The following GRM7 variants were observed in gnomAD, a reference collection of about 807,000 sequenced individuals.
GRM7 encodes metabotropic glutamate receptor 7.
Under a neutral mutation model 84.5 loss-of-function variants are expected in GRM7, and 35 were observed. The ratio of observed to expected loss-of-function variants is 0.41; its 90% CI spans 0.32 to 0.55. The LOEUF (loss-of-function observed/expected upper bound fraction) is 0.55. Ranked by LOEUF, GRM7 falls within the 20% of genes least tolerant of loss-of-function variation. The probability of loss-of-function intolerance (pLI) is 0.19; values close to 1 mark genes in which losing one functional copy is unlikely to be tolerated. For synonymous variants in GRM7, 487 were observed against 455.1 expected, an observed-to-expected ratio of 1.07 and a Z score of -0.89; for missense variants, 1,003 against 1,194.6, an observed-to-expected ratio of 0.84 and a Z score of 2.36.
intron 9 of GRM7, among the ~76,000 whole-genome samples, chr3:7,697,355 G>T (rs2125155662): frequency 6.6e-6 from 1 of 152,110 alleles, no homozygotes; most frequent in Non-Finnish European, 1.5e-5. Context: ...ACTGAGGTAG[G>T]TGTCATTATC....
chr3:7,646,267 C>T (rs911744473), intron 8 of GRM7, among the ~76,000 whole-genome samples: 1 of 152,192 alleles, frequency 6.6e-6, no homozygotes, highest in Non-Finnish European at 1.5e-5. Context: ...TCTCGGCTCA[C>T]TGCAGCCTCT....
At chr3:7,501,833 C>T (rs1416428921) in intron 7 of GRM7, among the ~76,000 whole-genome samples, 1 of 152,140 alleles carries the variant, frequency 6.6e-6, no homozygotes, top group East Asian at 1.9e-4. Context: ...CAATTGGAAA[C>T]AGTTTGGAAC....
At chr3:7,407,719 G>A (rs1191691655) in intron 4 of GRM7, among the ~76,000 whole-genome samples, 5 of 152,210 alleles carry the variant, frequency 3.3e-5, no homozygotes, top group African/African-American at 4.8e-5. Flanking sequence ...CAAAACAAAA[G>A]TGGCAGAAAT....
intron 4 of GRM7, among the ~76,000 whole-genome samples, chr3:7,395,479 TATA>T (rs1338387076): frequency 1.3e-5 from 2 of 152,232 alleles, no homozygotes; most frequent in African/African-American, 4.8e-5. Flanking sequence ...TCTATTGTTA[TATA>T]ATAATATGGT....
Position 7,532,734 on chromosome 3 carries a change from T to C in GRM7, c.1516-45688T>C, listed in dbSNP as rs958524184. Among the ~76,000 whole-genome samples the C allele has an allele frequency of 1.3e-4, 19 of 147,182 alleles. 2 individuals are homozygous for C. The highest frequency in any genetic ancestry group is 5.5e-4 in the Admixed American group (8 of 14,520). ...TGTTAGGGTGTCAATTTTAGATCTT[T>C]CCTGATTTCTCCTGTGGGCATTTAG... is the stretch of plus-strand genomic sequence containing the variant. On this transcript the variant is annotated intron_variant, in intron 7 of 9. Transcript: ENST00000357716.
intron 1 of GRM7, among the ~76,000 whole-genome samples, chr3:6,935,981 T>A (rs1440230827): frequency 3.3e-5 from 5 of 152,166 alleles, no homozygotes; most frequent in Non-Finnish European, 5.9e-5. Flanking sequence ...ATTGCTGGGA[T>A]TCCAGGTGTG....
chr3:7,560,380 C>T (rs970779867), intron 7 of GRM7: 9 of 152,060 alleles, frequency 5.9e-5, no homozygotes, highest in Non-Finnish European at 1.3e-4. Context: ...TCATATCTTT[C>T]CCAAAGGCAT....
At chr3:7,514,232 C>T (rs1466156196) in intron 7 of GRM7, among the ~76,000 whole-genome samples, 1 of 152,122 alleles carries the variant, frequency 6.6e-6, no homozygotes, top group African/African-American at 2.4e-5. Flanking sequence ...CTGTAATTCT[C>T]CTATTGAGAA....
chr3:7,038,382 C>T (rs1387483719), intron 1 of GRM7, among the ~76,000 whole-genome samples: 3 of 152,178 alleles, frequency 2.0e-5, no homozygotes, highest in Non-Finnish European at 4.4e-5. Flanking sequence ...AAACTATCTG[C>T]AGACTTGCTT....
At chr3:7,157,748 C>T (rs754056430) in intron 2 of GRM7, among the ~76,000 whole-genome samples, 9 of 151,480 alleles carry the variant, frequency 5.9e-5, no homozygotes, top group Non-Finnish European at 1.2e-4. Context: ...CCAAATTCCT[C>T]CAAGCACCCT....
chr3:7,410,951 G>C (rs999113770), intron 4 of GRM7, among the ~76,000 whole-genome samples: 2 of 152,140 alleles, frequency 1.3e-5, no homozygotes, highest in African/African-American at 2.4e-5. Context: ...CAAGGTTTCA[G>C]CTGGTGCCAC....
At chr3:7,224,392 C>G (rs148612624) in intron 2 of GRM7, among the ~76,000 whole-genome samples, 1 of 152,200 alleles carries the variant, frequency 6.6e-6, no homozygotes, top group East Asian at 1.9e-4. Flanking sequence ...AGAAACCGCC[C>G]CCAGGATTCA....
At chr3:7,505,210 A>G (rs1047994902) in intron 7 of GRM7, among the ~76,000 whole-genome samples, 2 of 151,902 alleles carry the variant, frequency 1.3e-5, no homozygotes, top group Admixed American at 1.3e-4. Flanking sequence ...GGGGATTTGG[A>G]CCCCCTCCTC....
intron 8 of GRM7, among the ~76,000 whole-genome samples, chr3:7,610,887 C>T (rs982772485): frequency 4.6e-5 from 7 of 152,182 alleles, no homozygotes; most frequent in Non-Finnish European, 8.8e-5. Flanking sequence ...CTTTGGCCAT[C>T]CTGGGCTGAC....
chr3:7,055,553 C>T (rs1697190623), intron 1 of GRM7, among the ~76,000 whole-genome samples: 1 of 151,122 alleles, frequency 6.6e-6, no homozygotes, highest in African/African-American at 2.4e-5. Flanking sequence ...CAGAGTCTCA[C>T]TCTGTCACCC....
At chr3:7,551,461 A>G (rs1343819233) in intron 7 of GRM7, among the ~76,000 whole-genome samples, 1 of 152,126 alleles carries the variant, frequency 6.6e-6, no homozygotes, top group Non-Finnish European at 1.5e-5. Flanking sequence ...TCTCTGACCT[A>G]GGAGTCTTGT....
intron 4 of GRM7, among the ~76,000 whole-genome samples, chr3:7,318,409 T>A (rs970188946): frequency 6.6e-5 from 10 of 151,998 alleles, no homozygotes. Flanking sequence ...GTATTATTAG[T>A]TTGGATTGAG....
intron 1 of GRM7, among the ~76,000 whole-genome samples, chr3:6,935,677 A>AAATATTATTATTATTATT (rs375035491): frequency 2.5e-4 from 36 of 142,446 alleles, no homozygotes; most frequent in Non-Finnish European, 4.5e-4. Flanking sequence ...CTTATTTTTA[A>AAATATTATTATTATTATT]ATTATTATTA....
intron 1 of GRM7, among the ~76,000 whole-genome samples, chr3:6,879,982 C>T (rs1695448245): frequency 6.6e-6 from 1 of 152,156 alleles, no homozygotes; most frequent in African/African-American, 2.4e-5. Flanking sequence ...CAATGTTTAA[C>T]CCAGAAGAAA....
Sources: gnomAD v4.1 joint callset for allele counts (sites outside exome capture counted in the v4.1 genomes callset) on GRCh38, gnomAD v4.1.1 for gene constraint, MANE v1.5 for transcripts, NCBI Gene and HGNC (gene_info 2026-07-23, HGNC 2026-07-21) for gene names.